Variants in INSR observed in about 807,000 individuals in gnomAD.
The protein encoded by INSR is insulin receptor, also known as IR.
Under a neutral mutation model 142.6 loss-of-function variants are expected in INSR, and 67 were observed. The ratio of observed to expected loss-of-function variants is 0.47; its 90% confidence interval spans 0.39 to 0.58. The LOEUF (loss-of-function observed/expected upper bound fraction) is 0.58, where lower values mean the gene tolerates loss of function less well. Ranked by LOEUF, INSR falls within the 20% of genes least tolerant of loss-of-function variation. The pLI is 0.00. For synonymous variants in INSR, 756 were observed against 743.1 expected (o/e 1.02, Z -0.28); for missense variants, 1,248 against 1,833.2 (o/e 0.68, Z 5.83).
chr19:7,244,203 T>C (rs1476065302), intron 2 of INSR, among the ~76,000 whole-genome samples: 3 of 151,918 alleles, frequency 2.0e-5, no homozygotes, highest in Non-Finnish European at 4.4e-5. Flanking sequence ...ACAAAAATAA[T>C]ACAGGATAAA....
intron 15 of INSR, among the ~76,000 whole-genome samples, chr19:7,128,097 G>A (rs1972689077): frequency 3.3e-5 from 5 of 152,064 alleles, no homozygotes; most frequent in Admixed American, 3.3e-4. Flanking sequence ...GTCTGCAACT[G>A]TGATGTTGCA....
chr19:7,160,456 A>T (rs903371342), intron 9 of INSR, among the ~76,000 whole-genome samples: 7 of 152,000 alleles, frequency 4.6e-5, no homozygotes, highest in Non-Finnish European at 7.4e-5. Context: ...CTAAAAAATT[A>T]TTTTAAATAA....
chr19:7,124,569 AAAAAAAAAAAAAAAAAAAAATAT>A (rs1972584899), intron 17 of INSR, among the ~76,000 whole-genome samples: 1 of 23,176 alleles, frequency 4.3e-5, no homozygotes, highest in East Asian at 1.3e-3. Flanking sequence ...AAAAAAAAAA[AAAAAAAAAAAAAAAAAAAAATAT>A]ATATATATAT....
rs1304912052 is a variant in INSR at position 7,117,146 on chromosome 19, C to T, written c.4059G>A (p.Arg1353=). Residue 1353 remains arginine, a synonymous_variant, in exon 22 of 22, where the codon CGG becomes CGA. Transcript: ENST00000302850. ...TGTAAGGGATGTGTTCCTCGTAGCT[C>T]CGCTTGAAACCCAGCGAGGACCCTC... is the stretch of plus-strand genomic sequence containing the variant. ...RDGGSSLGFK[R]SYEEHIPYTH... is the part of the protein sequence containing the mutation. 1 of 1,614,060 alleles carries T rather than the reference C, an allele frequency of 6.2e-7. No individual in the cohort carries two copies. Among genetic ancestry groups the T allele is most frequent in the African/African-American group, 1.3e-5 (1 of 75,008 alleles).
chr19:7,136,496 G>A (rs1972930958), intron 13 of INSR, among the ~76,000 whole-genome samples: 1 of 151,978 alleles, frequency 6.6e-6, no homozygotes, highest in South Asian at 2.1e-4. Context: ...GATTTAACTC[G>A]AATCCTAACT....
intron 9 of INSR, among the ~76,000 whole-genome samples, chr19:7,158,500 C>CA (rs1313436404): frequency 1.3e-4 from 20 of 151,332 alleles, no homozygotes; most frequent in Admixed American, 4.0e-4. Flanking sequence ...GACTCCGTCT[C>CA]AAAAAAATAA....
At chr19:7,169,857 T>C (rs1434041806) in intron 6 of INSR, among the ~76,000 whole-genome samples, 1 of 152,150 alleles carries the variant, frequency 6.6e-6, no homozygotes, top group Non-Finnish European at 1.5e-5. Context: ...AGCATAGTGA[T>C]AATATTAATA....
At chr19:7,257,878 A>G (rs570938294) in intron 2 of INSR, among the ~76,000 whole-genome samples, 12 of 152,284 alleles carry the variant, frequency 7.9e-5, no homozygotes, top group Middle Eastern at 3.4e-3. Flanking sequence ...GCTGGAGTGC[A>G]GTGGCGCAAT....
intron 2 of INSR, among the ~76,000 whole-genome samples, chr19:7,266,537 C>T (rs1385250463): frequency 2.6e-5 from 4 of 152,210 alleles, no homozygotes; most frequent in Admixed American, 1.3e-4. Context: ...AGGCGTGCAC[C>T]GCCACGCCCG....
Position 7,172,406 on chromosome 19 carries a change from G to T in INSR, c.1152C>A (p.Asn384Lys), listed in dbSNP as rs1413967419. 3 of 1,613,984 alleles carry T rather than the reference G, an allele frequency of 1.9e-6. No homozygotes were observed. Among genetic ancestry groups the T allele is most frequent in the Non-Finnish European group, 2.5e-6 (3 of 1,180,012 alleles). Residue 384 changes from asparagine (N) to lysine (K), a missense_variant, in exon 5 of 22, where the codon AAC becomes AAA. Asn to Lys is a moderately conservative substitution (Grantham distance 94). Coordinates refer to ENST00000302850, the MANE Select transcript of INSR (RefSeq NM_000208.4). ...CTGAAATTTCTTCAATGAGGCCGAG[G>T]TTGGCTTCTAGCTCAGCTGCCAGAT... Reference protein sequence around the residue: ...GNNLAAELEANLGLIEEISGY... With the variant: ...GNNLAAELEAKLGLIEEISGY...
intron 2 of INSR, among the ~76,000 whole-genome samples, chr19:7,256,175 C>T (rs1313099089): frequency 2.0e-5 from 3 of 152,062 alleles, no homozygotes; most frequent in East Asian, 1.9e-4. Flanking sequence ...TGGCGGCTCA[C>T]GCCTGTAATC....
chr19:7,268,291 C>T (rs1274722084), intron 1 of INSR: 2 of 282,018 alleles, frequency 7.1e-6, no homozygotes, highest in Non-Finnish European at 1.1e-5. Flanking sequence ...AAGGTGCCCG[C>T]GGTCAGAAAT....
At chr19:7,206,228 T>G (rs1019934402) in intron 2 of INSR, among the ~76,000 whole-genome samples, 2 of 152,100 alleles carry the variant, frequency 1.3e-5, no homozygotes, top group Admixed American at 1.3e-4. Context: ...GTGCAGTGGG[T>G]GTGATCATAG....
chr19:7,280,354 G>A (rs1418955792), intron 1 of INSR, among the ~76,000 whole-genome samples: 1 of 152,144 alleles, frequency 6.6e-6, no homozygotes, highest in Non-Finnish European at 1.5e-5. Flanking sequence ...CAAGGCAGGT[G>A]GATCACTTGA....
chr19:7,182,261 G>A (rs1377676598), intron 3 of INSR, among the ~76,000 whole-genome samples: 1 of 152,098 alleles, frequency 6.6e-6, no homozygotes, highest in Non-Finnish European at 1.5e-5. Flanking sequence ...CTTGAACCCG[G>A]GAGGCTGAGT....
intron 3 of INSR, among the ~76,000 whole-genome samples, chr19:7,182,937 A>C (rs903956652): frequency 6.6e-6 from 1 of 151,924 alleles, no homozygotes; most frequent in African/African-American, 2.4e-5. Flanking sequence ...CTAAAACAAA[A>C]GTCTGTCTGG....
intron 2 of INSR, among the ~76,000 whole-genome samples, chr19:7,263,475 C>G (rs79901120): frequency 2.1e-3 from 313 of 152,258 alleles, no homozygotes; most frequent in African/African-American, 7.3e-3. Context: ...ATGCCAGGAA[C>G]CCGGTACCCC....
chr19:7,155,241 TA>T (rs1973559270), intron 9 of INSR, among the ~76,000 whole-genome samples: 1 of 151,030 alleles, frequency 6.6e-6, no homozygotes. Flanking sequence ...CTTGGCACAT[TA>T]AAAAACGTCT....
intron 2 of INSR, among the ~76,000 whole-genome samples, chr19:7,237,141 G>T (rs1489280835): frequency 6.6e-6 from 1 of 151,968 alleles, no homozygotes; most frequent in East Asian, 1.9e-4. Flanking sequence ...TCGGGTGATG[G>T]ATCCACCAAA....
Sources: allele counts gnomAD v4.1 joint callset (sites outside exome capture counted in the v4.1 genomes callset), GRCh38; gene constraint gnomAD v4.1.1; transcripts MANE v1.5; gene names NCBI Gene and HGNC (gene_info 2026-07-23, HGNC 2026-07-21).